The following PDPR variants were observed in gnomAD, a reference collection of about 807,000 sequenced individuals.
PDPR encodes the protein pyruvate dehydrogenase phosphatase regulatory subunit, mitochondrial.
A neutral mutation model predicts 102.2 loss-of-function variants in PDPR; 50 were observed. The observed-to-expected ratio is 0.49, with a 90% CI of 0.39 to 0.62. The LOEUF (loss-of-function observed/expected upper bound fraction) is 0.62. PDPR is among the 20% of genes least tolerant of loss of function. The pLI, the probability that PDPR is intolerant of heterozygous loss-of-function variation, is 0.00. For missense variants in PDPR, 625 were observed against 1,098.2 expected, an observed-to-expected ratio of 0.57 and a Z score of 6.09; for synonymous variants, 259 against 406.0, an observed-to-expected ratio of 0.64 and a Z score of 4.35.
At position 70,161,544 on chromosome 16, in the gene PDPR, A is replaced by T. The variant is rs983234827; in HGVS notation, c.*4665A>T. The T allele has an allele frequency of 6.5e-6, 1 of 152,678 alleles. No homozygotes were observed. Among genetic ancestry groups the T allele is most frequent in the Non-Finnish European group, 1.5e-5 (1 of 68,350 alleles). 9.5% of individuals were successfully genotyped at this position (152,678 alleles called of 1,614,324 possible). A position where few individuals can be genotyped will look rare whatever the true frequency, so the allele number is the denominator to read the frequency against. On this transcript the variant is annotated 3_prime_UTR_variant, in exon 19 of 19. Transcript: ENST00000288050. ...TTGCCCCAGGCCTTGTGTACACGCA[A>T]TAAGTGGTGAGCCATGGGTCTCTCC...
rs1189662787 is a variant in PDPR at position 70,158,596 on chromosome 16, G to A, written c.*1717G>A. ...GAAGGTTCTGGTTGGCTTGTTAGAG[G>A]AGCATATGATTAGAATTCTGTTTGG... On this transcript the variant is annotated 3_prime_UTR_variant, in exon 19 of 19. Transcript: ENST00000288050. 6.5e-6 allele frequency: 1 copy of A among 152,834 alleles called. No homozygotes were observed. The highest frequency in any genetic ancestry group is 2.4e-5 in the African/African-American group (1 of 41,492). 9.5% of individuals were successfully genotyped at this position (152,834 alleles called of 1,614,324 possible).
chr16:70,159,826 AAGG>A lies in PDPR; in HGVS notation c.*2951_*2953del, dbSNP rs1205447265. ...CCGTGGCTGCAAATCCAGCAGGAATAAGGAGGGACAACCACAGCCTCCTCATCC... is the reference window on the plus strand; with the variant it reads ...CCGTGGCTGCAAATCCAGCAGGAATAAGGGACAACCACAGCCTCCTCATCC... On this transcript the variant is annotated 3_prime_UTR_variant, in exon 19 of 19. Transcript: ENST00000288050. The A allele has an allele frequency of 2.6e-5, 4 of 153,044 alleles. No individual in the cohort carries two copies. The highest frequency in any genetic ancestry group is 9.6e-5 in the African/African-American group (4 of 41,506). 9.5% of individuals were successfully genotyped at this position (153,044 alleles called of 1,614,324 possible). A position where few individuals can be genotyped will look rare whatever the true frequency, so the allele number is the denominator to read the frequency against.
intron 2 of PDPR, among the ~76,000 whole-genome samples, chr16:70,115,540 A>G (rs750940564): frequency 5.9e-5 from 9 of 152,220 alleles, no homozygotes; most frequent in Non-Finnish European, 1.3e-4. Context: ...TGTCATTTTT[A>G]AACAAGTGTC....
At chr16:70,150,838 G>A (rs1407878920) in intron 17 of PDPR, among the ~76,000 whole-genome samples, 2 of 152,256 alleles carry the variant, frequency 1.3e-5, no homozygotes, top group African/African-American at 2.4e-5. Flanking sequence ...TTAGTGCAGT[G>A]GGATGATCAT....
chr16:70,136,172 T>C, intron 9 of PDPR, 22 bp from the exon 10 acceptor site: 1 of 1,451,846 alleles, frequency 6.9e-7, no homozygotes, highest in Middle Eastern at 1.8e-4. Flanking sequence ...GAACTCTATT[T>C]GGTTTTGTTG....
intron 9 of PDPR, 114 bp from the exon 10 acceptor site, chr16:70,136,080 A>C: frequency 5.2e-6 from 5 of 954,568 alleles, no homozygotes; most frequent in Non-Finnish European, 6.1e-6. Context: ...AAAAAAAAAA[A>C]AAAAAAAATC....
chr16:70,157,001 C>T lies in PDPR; in HGVS notation c.*122C>T. The T allele has an allele frequency of 7.2e-7, 1 of 1,387,914 alleles. No individual in the cohort carries two copies. The highest frequency in any genetic ancestry group is 1.0e-6 in the Non-Finnish European group (1 of 1,003,572). 86.0% of individuals were successfully genotyped at this position (1,387,914 alleles called of 1,614,324 possible). A position where few individuals can be genotyped will look rare whatever the true frequency, so the allele number is the denominator to read the frequency against. ...AGCCTTTGCCTCCCATCTCTTATCT[C>T]CTTGATATAATTTTGAACTTGACCT... On this transcript the variant is annotated 3_prime_UTR_variant, in exon 19 of 19. Coordinates refer to ENST00000288050, the MANE Select transcript of PDPR (RefSeq NM_017990.5).
intron 2 of PDPR, among the ~76,000 whole-genome samples, chr16:70,119,184 A>T (rs532739908): frequency 9.8e-4 from 149 of 152,158 alleles, no homozygotes; most frequent in African/African-American, 3.2e-3. Flanking sequence ...GCCTTGTCCA[A>T]GGGCAGTGGT....
chr16:70,126,574 A>T (rs1226345669), intron 3 of PDPR, among the ~76,000 whole-genome samples: 1 of 152,276 alleles, frequency 6.6e-6, no homozygotes, highest in Non-Finnish European at 1.5e-5. Context: ...TGTGTTAGCC[A>T]AGATGGTTTC....
intron 2 of PDPR, among the ~76,000 whole-genome samples, chr16:70,118,777 T>C (rs1422623583): frequency 1.3e-5 from 2 of 152,138 alleles, no homozygotes; most frequent in Non-Finnish European, 2.9e-5. Flanking sequence ...GAGATGGTGC[T>C]TAACAGGGAC....
In PDPR at chr16:70,159,862, A is replaced by G. The variant is rs1400898792; in HGVS notation, c.*2983A>G. 6.5e-6 allele frequency: 1 copy of G among 153,028 alleles called. No homozygotes were observed. The highest frequency in any genetic ancestry group is 1.5e-5 in the Non-Finnish European group (1 of 68,602). 9.5% of individuals were successfully genotyped at this position (153,028 alleles called of 1,614,324 possible). On this transcript the variant is annotated 3_prime_UTR_variant, in exon 19 of 19. Transcript: ENST00000288050. ...ACCACAGCCTCCTCATCCATGTGTC[A>G]TTTCCAAGGGTTTGCCTTGTGTCTC... is the stretch of plus-strand genomic sequence containing the variant.
chr16:70,151,429 T>C (rs1279671511), intron 17 of PDPR, among the ~76,000 whole-genome samples: 1 of 152,292 alleles, frequency 6.6e-6, no homozygotes, highest in African/African-American at 2.4e-5. Context: ...GCACAGATAA[T>C]ATCAGCGCAT....
rs1359338509 is a variant in PDPR, at chr16:70,153,444, C to T, written c.2106C>T (p.Ile702=). 6.2e-6 allele frequency: 10 copies of T among 1,613,932 alleles called. No individual in the cohort carries two copies. In the Middle Eastern group the frequency reaches 9.9e-4, roughly 160 times the overall value. ...EVMSVGQKYG[I]RNAGYYALRS... ...TGAGTGTTGGCCAGAAATACGGAAT[C>T]CGGAATGCTGGGTATTACGCTCTTC... Residue 702 remains isoleucine (I), a synonymous_variant, in exon 18 of 19, where the codon ATC becomes ATT. Coordinates refer to ENST00000288050, the MANE Select transcript of PDPR (RefSeq NM_017990.5).
chr16:70,146,925 T>A (rs1966285066), intron 16 of PDPR, among the ~76,000 whole-genome samples: 1 of 66,600 alleles, frequency 1.5e-5, no homozygotes, highest in Non-Finnish European at 3.0e-5. Flanking sequence ...GTATATTTAT[T>A]TATTTATTTA....
intron 6 of PDPR, 50 bp from the exon 7 acceptor site, chr16:70,130,373 C>T (rs1964416682): frequency 6.2e-7 from 1 of 1,604,416 alleles, no homozygotes; most frequent in South Asian, 1.1e-5. Context: ...CACATGCCTT[C>T]ATTCTGGAAC....
chr16:70,127,147 G>A, intron 3 of PDPR, 113 bp from the exon 4 acceptor site: 2 of 1,532,932 alleles, frequency 1.3e-6, no homozygotes, highest in Non-Finnish European at 1.7e-6. Context: ...GAGCCACTGT[G>A]CCCAGCTTGT....
At chr16:70,139,442 C>G in intron 11 of PDPR, among the ~76,000 whole-genome samples, 1 of 152,256 alleles carries the variant, frequency 6.6e-6, no homozygotes, top group Non-Finnish European at 1.5e-5. Flanking sequence ...TCACTCCCCA[C>G]TTAGTTTTTT....
intron 10 of PDPR, among the ~76,000 whole-genome samples, chr16:70,138,082 C>T (rs1171300010): frequency 1.5e-5 from 2 of 136,632 alleles, no homozygotes; most frequent in Non-Finnish European, 3.0e-5. Flanking sequence ...GCTCTTGTTG[C>T]CCAGGCTGGA....
intron 17 of PDPR, 83 bp from the exon 18 acceptor site, chr16:70,153,306 AGT>A (rs1966843982): frequency 2.9e-6 from 4 of 1,362,414 alleles, no homozygotes; most frequent in Non-Finnish European, 4.0e-6. Context: ...CCATGTTAAT[AGT>A]GTGAGCCATC....
Sources: allele counts gnomAD v4.1 joint callset (sites outside exome capture counted in the v4.1 genomes callset), GRCh38; gene constraint gnomAD v4.1.1; transcripts MANE v1.5; gene names NCBI Gene and HGNC (gene_info 2026-07-23, HGNC 2026-07-21).